CENPE: variants seen among roughly 807,000 people sequenced by gnomAD.
The protein encoded by CENPE is centromere-associated protein E.
CENPE carries 145 observed loss-of-function variants against 336.1 expected under a neutral mutation model. The ratio of observed to expected loss-of-function variants is 0.43; its 90% confidence interval spans 0.38 to 0.50. The LOEUF (loss-of-function observed/expected upper bound fraction) is 0.50. CENPE is among the 20% of genes least tolerant of loss of function. CENPE has a pLI of 0.00. For synonymous variants in CENPE, 1,013 were observed against 984.8 expected (o/e 1.03, Z -0.54); for missense variants, 2,719 against 3,023.3 (o/e 0.90, Z 2.36).
Position 103,187,063 on chromosome 4 carries a change from T to A in CENPE, c.694-1202A>T, listed in dbSNP as rs73837655. 5.4e-3 allele frequency among the ~76,000 whole-genome samples: 826 copies of A among 152,304 alleles called. 4 individuals are homozygous for A. Among genetic ancestry groups the A allele is most frequent in the African/African-American group, 0.013 (549 of 41,570 alleles). ...GTGAGATCTAAAACTCTGAAATGTT[T>A]ATATTCAATGAGAAGCCATTGCAGG... On this transcript the variant is annotated intron_variant, in intron 8 of 48. Coordinates refer to ENST00000265148, the MANE Select transcript of CENPE (RefSeq NM_001813.3).
chr4:103,124,235 T>C (rs1469203823), intron 42 of CENPE, among the ~76,000 whole-genome samples: 2 of 152,178 alleles, frequency 1.3e-5, no homozygotes, highest in African/African-American at 2.4e-5. Flanking sequence ...ACAGTGTATA[T>C]GCTGAAGTTC....
At chr4:103,196,364 T>A (rs1418265162) in intron 2 of CENPE, 112 bp from the exon 3 acceptor site, 1 of 827,044 alleles carries the variant, frequency 1.2e-6, no homozygotes, top group Admixed American at 2.1e-5. Context: ...GAATGTAGGA[T>A]GATCAACTAT....
Position 103,116,642 on chromosome 4 carries a change from A to G in CENPE, c.7377T>C (p.Asp2459=). 6.3e-7 allele frequency: 1 copy of G among 1,596,098 alleles called. No homozygotes were observed. Among genetic ancestry groups the G allele is most frequent in the South Asian group, 1.2e-5 (1 of 86,076 alleles). The part of the protein sequence containing the change: ...GAKPYKEEIE[D]LKMKLVKIDL... ...CTATTTTCACAAGCTTCATTTTGAG[A>G]TCTTCAATTTCTTCTTTATATGGCT... Residue 2459 remains aspartate, a synonymous_variant, in exon 45 of 49, where the codon GAT becomes GAC. Coordinates refer to ENST00000265148, the MANE Select transcript of CENPE (RefSeq NM_001813.3).
At chr4:103,126,516 C>T (rs1216925036) in intron 42 of CENPE, among the ~76,000 whole-genome samples, 1 of 152,136 alleles carries the variant, frequency 6.6e-6, no homozygotes, top group Non-Finnish European at 1.5e-5. Flanking sequence ...TAAATCATGC[C>T]TGCTTTTCAG....
intron 11 of CENPE, 46 bp from the exon 12 acceptor site, chr4:103,181,502 A>C: frequency 6.0e-6 from 9 of 1,495,550 alleles, no homozygotes; most frequent in Non-Finnish European, 8.0e-6. Context: ...ACTTAAAAAA[A>C]TTCGAATTTA....
Position 103,151,567 on chromosome 4 carries a change from G to A in CENPE, c.3238-190C>T, listed in dbSNP as rs990432214. Among the ~76,000 whole-genome samples, 39 of 152,224 alleles carry A rather than the reference G, an allele frequency of 2.6e-4. 1 individual carries two copies. Among genetic ancestry groups the A allele is most frequent in the South Asian group, 2.1e-4 (1 of 4,818 alleles). On this transcript the variant is annotated intron_variant, in intron 25 of 48. Transcript: ENST00000265148. ...ATGCCAAGAATCTGCTTTTTATACT[G>A]TTTCTTTACTGCTCAATTTACATTC...
rs776499842 is a variant in CENPE, at chr4:103,183,187, C to G, written c.833+14G>C. On this transcript the variant is annotated intron_variant, in intron 10 of 48. Coordinates refer to ENST00000265148, the MANE Select transcript of CENPE (RefSeq NM_001813.3). ...TAAGAATCAGTAGGTAAGTGCACAACGGGATAAACTTACCCAACTTGTCCA... is the reference window on the plus strand; with the variant it reads ...TAAGAATCAGTAGGTAAGTGCACAAGGGGATAAACTTACCCAACTTGTCCA... The G allele has an allele frequency of 2.5e-6, 4 of 1,592,006 alleles. No homozygotes were observed. The highest frequency in any genetic ancestry group is 3.4e-6 in the Non-Finnish European group (4 of 1,162,102).
At position 103,148,979 on chromosome 4, in the gene CENPE, T is replaced by C. The variant is rs745944494; in HGVS notation, c.3708A>G (p.Glu1236=). ...IEATGLQTKE[E]LKIAHIHLKE... ...TTAGGTGAATATGAGCAATTTTTAG[T>C]TCTTCTTTGGTTTGTAGGCCCTTGG... The change falls in exon 28 of 49, where the codon GAA becomes GAG. Residue 1236 remains glutamate, a synonymous_variant. Coordinates refer to ENST00000265148, the MANE Select transcript of CENPE (RefSeq NM_001813.3). 5.6e-6 allele frequency: 9 copies of C among 1,613,546 alleles called. No individual in the cohort carries two copies. The highest frequency in any genetic ancestry group is 6.8e-6 in the Non-Finnish European group (8 of 1,179,858).
Position 103,176,046 on chromosome 4 carries a change from C to T in CENPE, c.1393G>A (p.Val465Ile). 1.3e-6 allele frequency: 2 copies of T among 1,576,182 alleles called. No homozygotes were observed. The highest frequency in any genetic ancestry group is 1.7e-6 in the Non-Finnish European group (2 of 1,160,828). Residue 465 changes from valine to isoleucine, a missense_variant and splice_region_variant, in exon 15 of 49, where the codon GTC becomes ATC. Coordinates refer to ENST00000265148, the MANE Select transcript of CENPE (RefSeq NM_001813.3). ...CTGAAAACATCAGACTCTGAACAGA[C>T]AGCTATAATTAGAGAAAAAAAAAAT... is the stretch of plus-strand genomic sequence containing the variant. ...INLLREIDES[V>I]CSESDVFSNT...
chr4:103,157,059 C>CAAAAAAAAAAAAAAAAAAAAAAAAAAAA (rs34199706), intron 24 of CENPE, among the ~76,000 whole-genome samples: 1 of 98,038 alleles, frequency 1.0e-5, no homozygotes, highest in African/African-American at 3.7e-5. Context: ...TGGCTACTAT[C>CAAAAAAAAAAAAAAAAAAAAAAAAAAAA]AAAAAAAAAA....
Position 103,141,897 on chromosome 4 carries a change from T to C in CENPE, c.5316A>G (p.Ile1772Met). 6.3e-7 allele frequency: 1 copy of C among 1,593,392 alleles called. No homozygotes were observed. Among genetic ancestry groups the C allele is most frequent in the Non-Finnish European group, 8.6e-7 (1 of 1,168,558 alleles). Reference protein sequence around the residue: ...NDALKAQDLKIQEELRIAHMH... With the variant: ...NDALKAQDLKMQEELRIAHMH... The stretch of plus-strand genomic sequence containing the variant: ...TGTGAGCAATTCTTAGTTCCTCTTG[T>C]ATTTTCAGATCCTTTACCATTAGAG... Residue 1772 changes from isoleucine to methionine, a missense_variant, in exon 35 of 49, where the codon ATA becomes ATG. Transcript: ENST00000265148.
At chr4:103,187,859 G>T (rs1168495892) in intron 8 of CENPE, among the ~76,000 whole-genome samples, 1 of 151,764 alleles carries the variant, frequency 6.6e-6, no homozygotes, top group East Asian at 1.9e-4. Context: ...CTGGCAAATT[G>T]GATAGTCAAG....
Position 103,133,424 on chromosome 4 carries a change from C to T in CENPE, c.6720+271G>A, listed in dbSNP as rs547334797. 1.3e-4 allele frequency among the ~76,000 whole-genome samples: 20 copies of T among 152,278 alleles called. No homozygotes were observed. The South Asian group carries it at 4.1e-3, about 32-fold the overall frequency. Reference sequence around the variant, plus strand: ...TGTTGGGAATTGGATGCCAGCCTCACATAGATGAATGCAAGTAACACATTC... The same window carrying T: ...TGTTGGGAATTGGATGCCAGCCTCATATAGATGAATGCAAGTAACACATTC... On this transcript the variant is annotated intron_variant, in intron 41 of 48. Coordinates refer to ENST00000265148, the MANE Select transcript of CENPE (RefSeq NM_001813.3).
chr4:103,116,491 T>C (rs993354427), intron 45 of CENPE, 86 bp downstream of exon 45: 1 of 576,164 alleles, frequency 1.7e-6, no homozygotes, highest in Non-Finnish European at 2.9e-6. Context: ...AATTATATTT[T>C]AAAAAGTTAA....
At chr4:103,162,113 C>T (rs1349328291) in intron 18 of CENPE, among the ~76,000 whole-genome samples, 1 of 151,738 alleles carries the variant, frequency 6.6e-6, no homozygotes, top group Non-Finnish European at 1.5e-5. Context: ...TATGAACAGA[C>T]ACTCCAGAAT....
intron 2 of CENPE, 120 bp downstream of exon 2, chr4:103,196,639 A>T (rs1757759969): frequency 1.1e-5 from 7 of 618,362 alleles, no homozygotes; most frequent in African/African-American, 1.9e-5. Context: ...TTTCCAGTGA[A>T]GCAGTTTATA....
chr4:103,141,191 C>T (rs1752528412), intron 35 of CENPE, 87 bp from the exon 36 acceptor site: 1 of 766,044 alleles, frequency 1.3e-6, no homozygotes, highest in Non-Finnish European at 2.1e-6. Context: ...CAACTGTCTA[C>T]CCATGTTACT....
chr4:103,164,866 T>G (rs1357636532), intron 16 of CENPE, among the ~76,000 whole-genome samples: 1 of 152,118 alleles, frequency 6.6e-6, no homozygotes, highest in African/African-American at 2.4e-5. Flanking sequence ...TTCCTTATTT[T>G]TAACTTCTGT....
chr4:103,145,380 AACAC>A, intron 31 of CENPE, 46 bp from the exon 32 acceptor site: 6 of 1,349,038 alleles, frequency 4.4e-6, no homozygotes, highest in African/African-American at 1.5e-5. Flanking sequence ...AAAATATGTA[AACAC>A]ACACACACAC....
Sources: gnomAD v4.1 joint callset for allele counts (sites outside exome capture counted in the v4.1 genomes callset) on GRCh38, gnomAD v4.1.1 for gene constraint, MANE v1.5 for transcripts, NCBI Gene and HGNC (gene_info 2026-07-23, HGNC 2026-07-21) for gene names.